Variants in SGCD observed in about 807,000 individuals in gnomAD.
SGCD encodes sarcoglycan delta.
SGCD carries 18 observed loss-of-function variants against 36.6 expected under a neutral mutation model. That is an observed-to-expected ratio of 0.49 (90% CI 0.34 to 0.73). The LOEUF (loss-of-function observed/expected upper bound fraction) is 0.73, where lower values mean the gene tolerates loss of function less well. SGCD is among the 30% of genes least tolerant of loss of function. SGCD has a pLI of 0.01. For synonymous variants in SGCD, 133 were observed against 130.6 expected, an observed-to-expected ratio of 1.02 and a Z score of -0.12; for missense variants, 387 against 346.7, an observed-to-expected ratio of 1.12 and a Z score of -0.92.
intron 2 of SGCD, among the ~76,000 whole-genome samples, chr5:156,342,422 C>T (rs1386767060): frequency 6.6e-6 from 1 of 152,210 alleles, no homozygotes; most frequent in Non-Finnish European, 1.5e-5. Context: ...TAATTTGGCT[C>T]ATTCACAATT....
intron 3 of SGCD, among the ~76,000 whole-genome samples, chr5:156,244,359 A>G (rs1276866561): frequency 6.6e-6 from 1 of 152,222 alleles, no homozygotes; most frequent in Non-Finnish European, 1.5e-5. Flanking sequence ...ACAATTGGCA[A>G]AAATAATGGA....
chr5:156,428,838 G>GT (rs1347678486), intron 3 of SGCD, among the ~76,000 whole-genome samples: 6 of 152,076 alleles, frequency 3.9e-5, no homozygotes, highest in African/African-American at 9.6e-5. Flanking sequence ...TATTTGTATA[G>GT]TTTTTTGTGG....
At chr5:155,791,769 A>G in the SGCD span, among the ~76,000 whole-genome samples, 1 of 152,230 alleles carries the variant, frequency 6.6e-6, no homozygotes. Flanking sequence ...TGACACAAAT[A>G]AATGGAAAAA....
At chr5:156,343,067 G>A (rs1768750481) in intron 2 of SGCD, among the ~76,000 whole-genome samples, 1 of 151,596 alleles carries the variant, frequency 6.6e-6, no homozygotes, top group Non-Finnish European at 1.5e-5. Flanking sequence ...GTTCTCTAGG[G>A]GATTTTTAGA....
At chr5:156,587,299 T>C (rs1054952945) in intron 4 of SGCD, among the ~76,000 whole-genome samples, 2 of 152,210 alleles carry the variant, frequency 1.3e-5, no homozygotes, top group Non-Finnish European at 2.9e-5. Context: ...TGTTGTGTGC[T>C]GTCTCGTGGT....
intron 6 of SGCD, among the ~76,000 whole-genome samples, chr5:156,598,380 A>G (rs2113402813): frequency 6.6e-6 from 1 of 152,218 alleles, no homozygotes; most frequent in Middle Eastern, 3.4e-3. Flanking sequence ...CGTCTCTACT[A>G]AAAATATAAA....
At chr5:156,113,811 A>G (rs1037054542) in intron 1 of SGCD, among the ~76,000 whole-genome samples, 18 of 152,188 alleles carry the variant, frequency 1.2e-4, no homozygotes, top group African/African-American at 4.3e-4. Context: ...CATCTGTACA[A>G]TGGAATATTA....
chr5:155,738,439 T>A, the SGCD span, among the ~76,000 whole-genome samples: 1 of 152,210 alleles, frequency 6.6e-6, no homozygotes, highest in African/African-American at 2.4e-5. Context: ...TGACAGCACA[T>A]AATGTACCTT....
chr5:156,651,662 A>G (rs1763467145), intron 7 of SGCD, among the ~76,000 whole-genome samples: 1 of 152,004 alleles, frequency 6.6e-6, no homozygotes, highest in Non-Finnish European at 1.5e-5. Flanking sequence ...CTACATGTCT[A>G]TTTCTCTATG....
intron 4 of SGCD, among the ~76,000 whole-genome samples, chr5:156,524,184 C>CTATATATATATA (rs370041027): frequency 2.1e-4 from 16 of 75,216 alleles, no homozygotes; most frequent in African/African-American, 7.2e-4. Flanking sequence ...ATAGGTCTTA[C>CTATATATATATA]TATATATATA....
At chr5:155,993,159 C>G (rs1758469930) in intron 1 of SGCD, among the ~76,000 whole-genome samples, 1 of 152,074 alleles carries the variant, frequency 6.6e-6, no homozygotes, top group African/African-American at 2.4e-5. Flanking sequence ...TCCCATTTTC[C>G]CTTCAGTCCT....
intron 2 of SGCD, among the ~76,000 whole-genome samples, chr5:156,118,473 G>A (rs1761955416): frequency 6.6e-6 from 1 of 152,172 alleles, no homozygotes; most frequent in Admixed American, 6.5e-5. Flanking sequence ...GATGCACACA[G>A]AGAAGAGTCA....
chr5:155,850,967 C>G, the SGCD span, among the ~76,000 whole-genome samples: 1 of 152,242 alleles, frequency 6.6e-6, no homozygotes, highest in Non-Finnish European at 1.5e-5. Context: ...TGGGGGAAGT[C>G]TAGTTACATT....
At chr5:156,587,725 A>G (rs1006599695) in intron 4 of SGCD, among the ~76,000 whole-genome samples, 2 of 152,080 alleles carry the variant, frequency 1.3e-5, no homozygotes, top group African/African-American at 2.4e-5. Context: ...AATTGTGTCT[A>G]TTCTTTTCAA....
intron 7 of SGCD, among the ~76,000 whole-genome samples, chr5:156,728,884 G>T (rs1190644314): frequency 6.6e-6 from 1 of 152,010 alleles, no homozygotes; most frequent in Non-Finnish European, 1.5e-5. Context: ...GAACTATATT[G>T]CAATGAAGTT....
chr5:156,264,256 G>A (rs1765947001), intron 3 of SGCD, among the ~76,000 whole-genome samples: 1 of 152,038 alleles, frequency 6.6e-6, no homozygotes, highest in South Asian at 2.1e-4. Context: ...AAAGAGGCAA[G>A]ACTAAGTCCC....
chr5:156,504,139 G>A (rs1412639373), intron 3 of SGCD, among the ~76,000 whole-genome samples: 2 of 151,532 alleles, frequency 1.3e-5, no homozygotes, highest in Non-Finnish European at 2.9e-5. Context: ...GGAAGGCGGA[G>A]GTTGCAGTGA....
At chr5:156,271,405 A>C (rs944210434) in intron 3 of SGCD, among the ~76,000 whole-genome samples, 1 of 152,086 alleles carries the variant, frequency 6.6e-6, no homozygotes, top group South Asian at 2.1e-4. Context: ...AAATCATAAT[A>C]TCTCTGAGGC....
In SGCD at chr5:156,122,843, TAAAAAAAAAAAAAAAAA is replaced by T. The variant is rs33983852; in HGVS notation, c.-207-988_-207-972del. On this transcript the variant is annotated intron_variant, in intron 2 of 9. Coordinates refer to the SGCD transcript ENST00000517913. ...ACCAGCATGGTAGTAAAAGATGTGG[TAAAAAAAAAAAAAAAAA>T]AAAAAAAAAAAAAAAAAAAAAAAAG... Among the ~76,000 whole-genome samples, 55 of 54,166 alleles carry T rather than the reference TAAAAAAAAAAAAAAAAA, an allele frequency of 1.0e-3. 1 individual carries two copies. The highest frequency in any genetic ancestry group is 2.2e-3 in the African/African-American group (27 of 12,346). 35.5% of individuals were successfully genotyped at this position (54,166 alleles called of 152,430 possible).
Sources: allele counts gnomAD v4.1 joint callset (sites outside exome capture counted in the v4.1 genomes callset), GRCh38; gene constraint gnomAD v4.1.1; transcripts MANE v1.5; gene names NCBI Gene and HGNC (gene_info 2026-07-23, HGNC 2026-07-21).